Variants in RORB observed in about 807,000 individuals in gnomAD.
RORB encodes RAR related orphan receptor B.
A neutral mutation model predicts 59.1 loss-of-function variants in RORB; 6 were observed. That is an observed-to-expected ratio of 0.10 (90% CI 0.06 to 0.20). The LOEUF is 0.20. Ranked by LOEUF, RORB falls within the 10% of genes least tolerant of loss-of-function variation. The pLI, the probability that RORB is intolerant of heterozygous loss-of-function variation, is 1.00. For missense variants in RORB, 320 were observed against 560.5 expected (o/e 0.57, Z 4.33); for synonymous variants, 215 against 204.5 (o/e 1.05, Z -0.44).
At chr9:74,544,368 A>C (rs549538208) in intron 1 of RORB, among the ~76,000 whole-genome samples, 1 of 152,316 alleles carries the variant, frequency 6.6e-6, no homozygotes, top group South Asian at 2.1e-4. Flanking sequence ...TCTATGCACA[A>C]TTCAATACTG....
chr9:74,631,353 G>A (rs1393968954), intron 2 of RORB, among the ~76,000 whole-genome samples: 1 of 152,164 alleles, frequency 6.6e-6, no homozygotes, highest in East Asian at 1.9e-4. Flanking sequence ...GTAATATGCT[G>A]GTAAAGTTAT....
chr9:74,690,646 G>T lies in RORB; in HGVS notation c.*5028G>T, dbSNP rs1824726761. The T allele has an allele frequency of 6.6e-6, 1 of 152,164 alleles. No homozygotes were observed. The highest frequency in any genetic ancestry group is 6.5e-5 in the Admixed American group (1 of 15,278). The allele number at this position is 152,164 out of a possible 1,614,324, so 9.4% of individuals were successfully genotyped here. Reference sequence around the variant, plus strand: ...GCAAGTCTGGTCAGATTCAACCCTGGACGATATTAGAATGATATTAGTTTT... The same window carrying T: ...GCAAGTCTGGTCAGATTCAACCCTGTACGATATTAGAATGATATTAGTTTT... On this transcript the variant is annotated 3_prime_UTR_variant, in exon 10 of 10. Transcript: ENST00000376896.
rs1448331193 is a variant in RORB, at chr9:74,667,725, T to A, written c.1001-66T>A. ...CTTGGATAGCTTATTGATTATGAGA[T>A]TTTTCTTACTCTTGCCCCATTTCAA... On this transcript the variant is annotated intron_variant, in intron 7 of 9. Transcript: ENST00000376896. 5 of 962,402 alleles carry A rather than the reference T, an allele frequency of 5.2e-6. No individual in the cohort carries two copies. In the East Asian group the frequency reaches 9.6e-5, roughly 18 times the overall value. 59.6% of individuals were successfully genotyped at this position (962,402 alleles called of 1,614,324 possible). A position where few individuals can be genotyped will look rare whatever the true frequency, so the allele number is the denominator to read the frequency against.
At chr9:74,678,877 C>A (rs1216403602) in intron 9 of RORB, among the ~76,000 whole-genome samples, 1 of 151,632 alleles carries the variant, frequency 6.6e-6, no homozygotes, top group Non-Finnish European at 1.5e-5. Flanking sequence ...ATCAAAAATA[C>A]AAAAATTGTC....
intron 1 of RORB, among the ~76,000 whole-genome samples, chr9:74,560,436 C>T (rs1822377721): frequency 1.3e-5 from 2 of 152,104 alleles, no homozygotes; most frequent in South Asian, 4.1e-4. Context: ...CATCTACGAA[C>T]AATCATCTCC....
At chr9:74,575,858 C>T (rs1041106786) in intron 1 of RORB, among the ~76,000 whole-genome samples, 1 of 152,028 alleles carries the variant, frequency 6.6e-6, no homozygotes. Context: ...TTATGAAGAT[C>T]AAATGAGATA....
chr9:74,545,036 G>A (rs866594425), intron 1 of RORB, among the ~76,000 whole-genome samples: 3 of 151,752 alleles, frequency 2.0e-5, no homozygotes, highest in Non-Finnish European at 4.4e-5. Flanking sequence ...AAAGTTCTAC[G>A]AAAATTGCTA....
At chr9:74,622,506 T>C (rs1823438425) in intron 1 of RORB, among the ~76,000 whole-genome samples, 1 of 150,206 alleles carries the variant, frequency 6.7e-6, no homozygotes, top group African/African-American at 2.5e-5. Context: ...ACAGAGATGC[T>C]GTTACAACCC....
chr9:74,524,130 T>G (rs1489975253), intron 1 of RORB, among the ~76,000 whole-genome samples: 2 of 151,000 alleles, frequency 1.3e-5, no homozygotes, highest in Non-Finnish European at 3.0e-5. Flanking sequence ...AACCAGTAAT[T>G]CCAGTATAGT....
At chr9:74,565,552 T>C (rs1822457708) in intron 1 of RORB, among the ~76,000 whole-genome samples, 1 of 152,196 alleles carries the variant, frequency 6.6e-6, no homozygotes, top group South Asian at 2.1e-4. Context: ...TACTTTTAAT[T>C]TGATAAGTAG....
chr9:74,677,208 C>G (rs534209490), intron 9 of RORB, among the ~76,000 whole-genome samples: 1 of 152,290 alleles, frequency 6.6e-6, no homozygotes, highest in East Asian at 1.9e-4. Flanking sequence ...CTTTCCCCAT[C>G]ACACACCCAT....
At chr9:74,625,085 C>T (rs528858590) in intron 1 of RORB, among the ~76,000 whole-genome samples, 41 of 152,070 alleles carry the variant, frequency 2.7e-4, no homozygotes, top group Non-Finnish European at 4.4e-4. Context: ...TAGCCCCAAA[C>T]CAAAAGTGAG....
chr9:74,583,113 C>G (rs1334858056), intron 1 of RORB, among the ~76,000 whole-genome samples: 1 of 152,160 alleles, frequency 6.6e-6, no homozygotes, highest in Non-Finnish European at 1.5e-5. Context: ...TCTACCCACC[C>G]TCTTTCCCCA....
chr9:74,504,657 A>C (rs1013457860), intron 1 of RORB, among the ~76,000 whole-genome samples: 2 of 152,026 alleles, frequency 1.3e-5, no homozygotes, highest in Admixed American at 1.3e-4. Context: ...GCTAATTTAG[A>C]GGAATCACGG....
chr9:74,595,538 G>T (rs571594250), intron 1 of RORB, among the ~76,000 whole-genome samples: 1 of 152,298 alleles, frequency 6.6e-6, no homozygotes, highest in African/African-American at 2.4e-5. Flanking sequence ...GCCAATTAAA[G>T]CATTAGATCG....
At chr9:74,574,167 C>T (rs1822595419) in intron 1 of RORB, among the ~76,000 whole-genome samples, 1 of 152,100 alleles carries the variant, frequency 6.6e-6, no homozygotes, top group Non-Finnish European at 1.5e-5. Context: ...CCCACTCCTT[C>T]CCCTGAAAAG....
chr9:74,664,010 G>A lies in RORB; in HGVS notation c.892+1404G>A, dbSNP rs530861061. ...CCCAGATTCAAAGATAGGAGACATG[G>A]ATTCTACTACTTAATAGGGGAGTGG... On this transcript the variant is annotated intron_variant, in intron 6 of 9. Coordinates refer to ENST00000376896, the MANE Select transcript of RORB (RefSeq NM_006914.4). 2.0e-5 allele frequency among the ~76,000 whole-genome samples: 3 copies of A among 152,226 alleles called. No homozygotes were observed. The South Asian group carries it at 6.2e-4, about 32-fold the overall frequency.
intron 4 of RORB, among the ~76,000 whole-genome samples, chr9:74,657,628 C>T (rs1824105994): frequency 6.6e-6 from 1 of 152,104 alleles, no homozygotes; most frequent in Admixed American, 6.5e-5. Context: ...CTAAGTTAGC[C>T]ACTTTCTTCT....
intron 1 of RORB, among the ~76,000 whole-genome samples, chr9:74,525,737 G>A (rs1280687180): frequency 1.3e-5 from 2 of 151,848 alleles, no homozygotes; most frequent in Admixed American, 1.3e-4. Context: ...GAATTCTACT[G>A]TTTTTTGCTT....
Sources: allele counts gnomAD v4.1 joint callset (sites outside exome capture counted in the v4.1 genomes callset), GRCh38; gene constraint gnomAD v4.1.1; transcripts MANE v1.5; gene names NCBI Gene and HGNC (gene_info 2026-07-23, HGNC 2026-07-21).